Variants in PDE1C observed in about 807,000 individuals in gnomAD.
PDE1C encodes phosphodiesterase 1C.
PDE1C carries 62 observed loss-of-function variants against 93.1 expected under a neutral mutation model. That is an observed-to-expected ratio of 0.67 (90% CI 0.54 to 0.82). PDE1C has a LOEUF of 0.82. PDE1C is among the 40% of genes least tolerant of loss of function. The probability of loss-of-function intolerance (pLI) is 0.00; values close to 1 mark genes in which losing one functional copy is unlikely to be tolerated. For missense variants in PDE1C, 742 were observed against 884.6 expected (o/e 0.84, Z 2.04); for synonymous variants, 325 against 310.1 (o/e 1.05, Z -0.50).
the PDE1C span, chr7:31,652,423 G>A: frequency 1.5e-5 from 22 of 1,470,000 alleles, no homozygotes; most frequent in African/African-American, 2.3e-4. Flanking sequence ...CTAGAGAATC[G>A]ACCACCTCAT....
intron 1 of PDE1C, among the ~76,000 whole-genome samples, chr7:32,356,562 T>C (rs1387088244): frequency 6.6e-6 from 1 of 152,192 alleles, no homozygotes; most frequent in African/African-American, 2.4e-5. Context: ...TCACAAATCA[T>C]CGTGAAAATT....
chr7:31,918,025 T>C (rs1183422287), intron 2 of PDE1C, among the ~76,000 whole-genome samples: 1 of 152,202 alleles, frequency 6.6e-6, no homozygotes, highest in East Asian at 1.9e-4. Context: ...ATTCCAGTAC[T>C]AAGCCCCAGG....
At position 32,173,124 on chromosome 7, in the gene PDE1C, G is replaced by A. The variant is rs575681953; in HGVS notation, c.137-3168C>T. Reference sequence around the variant, plus strand: ...GGAGCCAACCCAAATGCCCATCACCGATAGACTGGATAAAGAAAATGTAGC... The same window carrying A: ...GGAGCCAACCCAAATGCCCATCACCAATAGACTGGATAAAGAAAATGTAGC... On this transcript the variant is annotated intron_variant, in intron 2 of 18. Coordinates refer to the PDE1C transcript ENST00000396193. 1.4e-3 allele frequency among the ~76,000 whole-genome samples: 214 copies of A among 152,214 alleles called. 1 individual carries two copies. Among genetic ancestry groups the A allele is most frequent in the Middle Eastern group, 6.8e-3 (2 of 294 alleles).
chr7:31,962,640 T>C (rs1217808793), intron 2 of PDE1C, among the ~76,000 whole-genome samples: 1 of 152,172 alleles, frequency 6.6e-6, no homozygotes, highest in Non-Finnish European at 1.5e-5. Context: ...GGAGAGGACA[T>C]GGTTATTTTC....
chr7:32,428,021 G>T (rs1335468720), exon 1 of PDE1C: 1 of 152,376 alleles, frequency 6.6e-6, no homozygotes, highest in Non-Finnish European at 1.5e-5. Context: ...GCGCGAATGG[G>T]TCTCCGACAG....
At chr7:31,781,651 T>C (rs1238591884) in intron 16 of PDE1C, among the ~76,000 whole-genome samples, 1 of 152,036 alleles carries the variant, frequency 6.6e-6, no homozygotes, top group Non-Finnish European at 1.5e-5. Flanking sequence ...TGCTTCAGGC[T>C]GTGGGAACAC....
intron 2 of PDE1C, among the ~76,000 whole-genome samples, chr7:32,182,710 AC>A (rs1331719395): frequency 1.3e-5 from 2 of 152,284 alleles, no homozygotes; most frequent in African/African-American, 4.8e-5. Flanking sequence ...ATGGGCAAAA[AC>A]TGGAAGCATT....
intron 7 of PDE1C, among the ~76,000 whole-genome samples, chr7:31,863,196 C>A (rs1327035714): frequency 1.3e-5 from 2 of 151,990 alleles, no homozygotes; most frequent in African/African-American, 4.8e-5. Flanking sequence ...GTTTTTGAGG[C>A]TCTTTATAGG....
At chr7:31,965,946 C>T (rs1043543907) in intron 2 of PDE1C, among the ~76,000 whole-genome samples, 4 of 152,160 alleles carry the variant, frequency 2.6e-5, no homozygotes, top group Admixed American at 2.0e-4. Context: ...CCTAAAAGAG[C>T]TCCTGAAGGA....
chr7:31,656,558 A>T, the PDE1C span: 1 of 811,716 alleles, frequency 1.2e-6, no homozygotes, highest in Non-Finnish European at 1.5e-6. Flanking sequence ...TTATGCACAC[A>T]GAATATTACC....
intron 2 of PDE1C, among the ~76,000 whole-genome samples, chr7:32,010,769 T>A (rs543319026): frequency 6.6e-6 from 1 of 152,322 alleles, no homozygotes; most frequent in East Asian, 1.9e-4. Context: ...ATGGCTCTCT[T>A]TTCCCTGGGT....
intron 1 of PDE1C, among the ~76,000 whole-genome samples, chr7:32,349,958 A>T (rs573673920): frequency 1.3e-5 from 2 of 152,166 alleles, no homozygotes; most frequent in Non-Finnish European, 2.9e-5. Context: ...CCCTCTTTTT[A>T]GAATATTCTG....
At chr7:31,654,945 C>G in the PDE1C span, among the ~76,000 whole-genome samples, 1 of 152,136 alleles carries the variant, frequency 6.6e-6, no homozygotes, top group Admixed American at 6.5e-5. Context: ...CTTGGGACCA[C>G]CACACTATTT....
chr7:32,399,223 C>T (rs215729), intron 1 of PDE1C, among the ~76,000 whole-genome samples: 83,222 of 151,996 alleles, frequency 0.55, 23,441 homozygotes, highest in East Asian at 0.9. Flanking sequence ...AGTTTTGTCC[C>T]CATGTTGGAT....
At chr7:32,239,130 G>C (rs1808358747) in intron 1 of PDE1C, among the ~76,000 whole-genome samples, 1 of 152,182 alleles carries the variant, frequency 6.6e-6, no homozygotes, top group South Asian at 2.1e-4. Flanking sequence ...ATAAGGCTGA[G>C]GTGGAAGGAT....
chr7:31,766,518 G>T (rs1424339465), intron 17 of PDE1C, among the ~76,000 whole-genome samples: 2 of 151,914 alleles, frequency 1.3e-5, no homozygotes, highest in Non-Finnish European at 2.9e-5. Flanking sequence ...AACATTTTTT[G>T]AAAGAAATTA....
At chr7:31,987,551 G>A (rs1783576995) in intron 2 of PDE1C, among the ~76,000 whole-genome samples, 1 of 152,196 alleles carries the variant, frequency 6.6e-6, no homozygotes, top group Non-Finnish European at 1.5e-5. Flanking sequence ...TCCTCACAGA[G>A]CTTTGTTCTC....
At chr7:31,787,654 G>A (rs752288552) in intron 16 of PDE1C, 7 of 152,170 alleles carry the variant, frequency 4.6e-5, no homozygotes, top group Non-Finnish European at 7.3e-5. Context: ...TAATTCAGGT[G>A]TGTAAGCCCT....
chr7:31,769,873 T>G (rs1020553217), intron 17 of PDE1C, among the ~76,000 whole-genome samples: 1 of 152,248 alleles, frequency 6.6e-6, no homozygotes, highest in Non-Finnish European at 1.5e-5. Flanking sequence ...TGACCTTTTG[T>G]GTCTGGCTTC....
Sources: gnomAD v4.1 joint callset for allele counts (sites outside exome capture counted in the v4.1 genomes callset) on GRCh38, gnomAD v4.1.1 for gene constraint, MANE v1.5 for transcripts, NCBI Gene and HGNC (gene_info 2026-07-23, HGNC 2026-07-21) for gene names.